The following RFX7 variants were observed in gnomAD, a reference collection of about 807,000 sequenced individuals.
RFX7 encodes regulatory factor X7.
Under a neutral mutation model 111.8 loss-of-function variants are expected in RFX7, and 26 were observed. That is an observed-to-expected ratio of 0.23 (90% CI 0.17 to 0.32). RFX7 has a LOEUF of 0.32. RFX7 is among the 10% of genes least tolerant of loss of function. The pLI, the probability that RFX7 is intolerant of heterozygous loss-of-function variation, is 1.00. For missense variants in RFX7, 1,573 were observed against 1,772.9 expected, an observed-to-expected ratio of 0.89 and a Z score of 2.02; for synonymous variants, 624 against 624.4, an observed-to-expected ratio of 1.00 and a Z score of 0.01.
At chr15:56,126,405 T>C (rs1158270760) in intron 5 of RFX7, among the ~76,000 whole-genome samples, 1 of 152,200 alleles carries the variant, frequency 6.6e-6, no homozygotes, top group Non-Finnish European at 1.5e-5. Context: ...AATAAAGTAG[T>C]TGGAGTGTTT....
intron 2 of RFX7, among the ~76,000 whole-genome samples, chr15:56,218,575 C>A (rs1055173172): frequency 6.6e-6 from 1 of 152,188 alleles, no homozygotes; most frequent in Non-Finnish European, 1.5e-5. Flanking sequence ...AGGGACTGCT[C>A]GCTGTATGGC....
At chr15:56,219,888 T>C (rs1297259153) in intron 2 of RFX7, among the ~76,000 whole-genome samples, 1 of 152,246 alleles carries the variant, frequency 6.6e-6, no homozygotes. Context: ...TACCCAATAA[T>C]GGGATTGCTG....
chr15:56,189,086 T>C (rs2043074162), intron 2 of RFX7, among the ~76,000 whole-genome samples: 2 of 152,202 alleles, frequency 1.3e-5, no homozygotes, highest in Non-Finnish European at 2.9e-5. Flanking sequence ...CCCAAAATGC[T>C]GGGATTACAA....
Position 56,093,508 on chromosome 15 carries a change from T to TCAAA in RFX7, c.4216_4219dup (p.Asp1407ValfsTer2). ...ATCTTGTCCCTGCTGACGACCTGGA[T>TCAAA]CAAACAGTAGATTTGGGTCTAAAGT... On this transcript the variant is annotated stop_gained and frameshift_variant, in exon 10 of 10. Transcript: ENST00000559447. LOFTEE classifies it high-confidence loss of function. The TCAAA allele has an allele frequency of 6.2e-7, 1 of 1,613,908 alleles. No homozygotes were observed. Among genetic ancestry groups the TCAAA allele is most frequent in the Non-Finnish European group, 8.5e-7 (1 of 1,179,842 alleles).
chr15:56,196,013 T>C (rs1192523501), intron 2 of RFX7, among the ~76,000 whole-genome samples: 2 of 152,160 alleles, frequency 1.3e-5, no homozygotes, highest in African/African-American at 4.8e-5. Context: ...GCCAGAAGAA[T>C]GAACTTTATC....
At chr15:56,175,512 C>G (rs891616038) in intron 3 of RFX7, among the ~76,000 whole-genome samples, 3 of 151,934 alleles carry the variant, frequency 2.0e-5, no homozygotes, top group Non-Finnish European at 4.4e-5. Flanking sequence ...GCACAGTAAA[C>G]AAGACAGTGT....
At chr15:56,155,842 T>G (rs150614723) in intron 3 of RFX7, among the ~76,000 whole-genome samples, 4 of 152,028 alleles carry the variant, frequency 2.6e-5, no homozygotes, top group African/African-American at 7.3e-5. Context: ...TTTAGATTAG[T>G]ATTTAACTTA....
At chr15:56,156,421 C>A (rs2042653549) in intron 3 of RFX7, among the ~76,000 whole-genome samples, 1 of 152,074 alleles carries the variant, frequency 6.6e-6, no homozygotes, top group South Asian at 2.1e-4. Context: ...ATCTATTTAA[C>A]AGCATATAGA....
At chr15:56,223,911 T>C (rs1434470126) in intron 2 of RFX7, among the ~76,000 whole-genome samples, 1 of 152,172 alleles carries the variant, frequency 6.6e-6, no homozygotes, top group Non-Finnish European at 1.5e-5. Flanking sequence ...CTAGTTTTTT[T>C]TCCCATTTAG....
intron 9 of RFX7, 46 bp from the exon 10 acceptor site, chr15:56,096,666 A>G (rs566012994): frequency 6.7e-7 from 1 of 1,490,144 alleles, no homozygotes; most frequent in South Asian, 1.3e-5. Flanking sequence ...TCTAGCCTGT[A>G]AATAGTAATT....
intron 3 of RFX7, among the ~76,000 whole-genome samples, chr15:56,171,276 AC>A (rs1486409920): frequency 3.9e-5 from 6 of 152,210 alleles, no homozygotes; most frequent in African/African-American, 1.2e-4. Flanking sequence ...TAGGATAATG[AC>A]CCCAGAAATG....
chr15:56,217,407 G>T (rs570059902), intron 2 of RFX7, among the ~76,000 whole-genome samples: 14 of 151,740 alleles, frequency 9.2e-5, no homozygotes, highest in African/African-American at 3.1e-4. Flanking sequence ...CACTGTAAGG[G>T]GCTGTTACAA....
At chr15:56,223,132 C>A (rs2141218157) in intron 2 of RFX7, among the ~76,000 whole-genome samples, 1 of 152,264 alleles carries the variant, frequency 6.6e-6, no homozygotes, top group Non-Finnish European at 1.5e-5. Context: ...TGTCTTTCAG[C>A]ACTGTGTAAT....
chr15:56,147,577 A>AT (rs2042496823), intron 3 of RFX7, among the ~76,000 whole-genome samples: 4 of 144,850 alleles, frequency 2.8e-5, no homozygotes, highest in African/African-American at 4.9e-5. Context: ...TAAAAAATCT[A>AT]ATTTTTTTTT....
chr15:56,223,175 C>T (rs187153369), intron 2 of RFX7, among the ~76,000 whole-genome samples: 1 of 152,144 alleles, frequency 6.6e-6, no homozygotes. Flanking sequence ...CAGGCCCCAA[C>T]AGTTGTTCTT....
chr15:56,154,986 C>T (rs902473636), intron 3 of RFX7, among the ~76,000 whole-genome samples: 11 of 152,128 alleles, frequency 7.2e-5, no homozygotes, highest in East Asian at 1.9e-4. Flanking sequence ...AGACACTTCT[C>T]GAAAGAAGAC....
intron 5 of RFX7, among the ~76,000 whole-genome samples, chr15:56,121,799 CAAGT>C (rs2042082451): frequency 6.6e-6 from 1 of 152,064 alleles, no homozygotes; most frequent in African/African-American, 2.4e-5. Context: ...ATCAATTCTG[CAAGT>C]AAGAGACTCT....
At chr15:56,132,305 T>C (rs1283357255) in intron 5 of RFX7, among the ~76,000 whole-genome samples, 5 of 151,998 alleles carry the variant, frequency 3.3e-5, no homozygotes, top group African/African-American at 1.2e-4. Flanking sequence ...GGAGGAAAGA[T>C]GGGTCCTGTC....
intron 3 of RFX7, among the ~76,000 whole-genome samples, chr15:56,145,744 T>C (rs186431426): frequency 4.6e-5 from 7 of 152,350 alleles, no homozygotes; most frequent in Admixed American, 6.5e-5. Context: ...TATTTAGCCC[T>C]CTAACACTCT....
Sources: gnomAD v4.1 joint callset for allele counts (sites outside exome capture counted in the v4.1 genomes callset) on GRCh38, gnomAD v4.1.1 for gene constraint, MANE v1.5 for transcripts, NCBI Gene and HGNC (gene_info 2026-07-23, HGNC 2026-07-21) for gene names.